LRPPRC: variants seen among roughly 807,000 people sequenced by gnomAD.
LRPPRC encodes the protein leucine rich pentatricopeptide repeat containing.
In LRPPRC, 120 loss-of-function variants were observed where a neutral mutation model predicts 180.3. The ratio of observed to expected loss-of-function variants is 0.67; its 90% CI spans 0.57 to 0.77. The LOEUF is 0.77. Among genes scored for constraint, LRPPRC ranks in the 30% least tolerant of loss-of-function variants. The probability of loss-of-function intolerance (pLI) is 0.00; values close to 1 mark genes in which losing one functional copy is unlikely to be tolerated. For missense variants in LRPPRC, 2,012 were observed against 1,657.2 expected (o/e 1.21, Z -3.72); for synonymous variants, 723 against 600.0 (o/e 1.21, Z -3.00).
chr2:43,932,116 C>A (rs1391434589), intron 25 of LRPPRC, among the ~76,000 whole-genome samples: 2 of 67,780 alleles, frequency 3.0e-5, no homozygotes, highest in African/African-American at 1.4e-4. Flanking sequence ...AAAGCAAGAC[C>A]CTGTCTCAAA....
intron 14 of LRPPRC, among the ~76,000 whole-genome samples, chr2:43,952,999 T>C (rs975609119): frequency 1.3e-5 from 2 of 152,258 alleles, no homozygotes; most frequent in African/African-American, 2.4e-5. Context: ...ATTTTGGCTT[T>C]ATTTCTTGTA....
intron 11 of LRPPRC, among the ~76,000 whole-genome samples, chr2:43,971,645 C>T (rs1391207061): frequency 1.3e-5 from 2 of 151,652 alleles, no homozygotes; most frequent in African/African-American, 4.8e-5. Flanking sequence ...CCTCATGAAA[C>T]ACAGCACATC....
chr2:43,966,177 C>T (rs1673548058), intron 11 of LRPPRC, among the ~76,000 whole-genome samples: 1 of 151,668 alleles, frequency 6.6e-6, no homozygotes, highest in Non-Finnish European at 1.5e-5. Flanking sequence ...ACTTGAAGCA[C>T]ATGCTAAGTG....
In LRPPRC at chr2:43,925,921, A is replaced by T; in HGVS notation, c.2777T>A (p.Phe926Tyr). The stretch of plus-strand genomic sequence containing the variant: ...ATTATTTGCAACACATCTGTCACAA[A>T]ACCACTGAAGCCTTGCAGATCGAGC... Reference protein sequence around the residue: ...IRARSARLQWFCDRCVANNQV... With the variant: ...IRARSARLQWYCDRCVANNQV... Residue 926 changes from phenylalanine to tyrosine, a missense_variant, in exon 26 of 38, where the codon TTT becomes TAT. Transcript: ENST00000260665. The T allele has an allele frequency of 6.2e-7, 1 of 1,613,102 alleles. No individual in the cohort carries two copies. The highest frequency in any genetic ancestry group is 8.5e-7 in the Non-Finnish European group (1 of 1,179,040).
chr2:43,891,068 C>T (rs1670473503), intron 36 of LRPPRC, among the ~76,000 whole-genome samples: 1 of 152,202 alleles, frequency 6.6e-6, no homozygotes, highest in Admixed American at 6.5e-5. Context: ...ATGAGGGTGA[C>T]TCATCAGCTC....
At chr2:43,956,228 A>C (rs980933810) in intron 14 of LRPPRC, among the ~76,000 whole-genome samples, 12 of 152,234 alleles carry the variant, frequency 7.9e-5, no homozygotes, top group African/African-American at 2.9e-4. Flanking sequence ...TGTAGCAATC[A>C]AATCCAATGC....
At chr2:43,950,287 G>A (rs958516565) in intron 15 of LRPPRC, among the ~76,000 whole-genome samples, 1 of 151,970 alleles carries the variant, frequency 6.6e-6, no homozygotes, top group Non-Finnish European at 1.5e-5. Context: ...CGGTAAACGT[G>A]TGCCATGGTG....
Position 43,963,551 on chromosome 2 carries a change from T to G in LRPPRC, c.1488+37A>C, listed in dbSNP as rs777820077. Reference sequence around the variant, plus strand: ...TAAACATTAAGGAGGAAAGATATCCTCTTCAATTATTAAATTAAAACCACA... The same window carrying G: ...TAAACATTAAGGAGGAAAGATATCCGCTTCAATTATTAAATTAAAACCACA... On this transcript the variant is annotated intron_variant, in intron 12 of 37. Coordinates refer to ENST00000260665, the MANE Select transcript of LRPPRC (RefSeq NM_133259.4). 5.8e-5 allele frequency: 69 copies of G among 1,199,132 alleles called. No individual in the cohort carries two copies. The Admixed American group carries it at 1.1e-3, about 19-fold the overall frequency. 74.3% of individuals were successfully genotyped at this position (1,199,132 alleles called of 1,614,324 possible).
intron 34 of LRPPRC, among the ~76,000 whole-genome samples, chr2:43,897,463 T>C (rs1396993271): frequency 2.0e-5 from 3 of 152,100 alleles, no homozygotes; most frequent in Non-Finnish European, 4.4e-5. Context: ...CTAAAACGAA[T>C]GGTATAAAAA....
At chr2:43,970,424 C>T (rs774333330) in intron 11 of LRPPRC, among the ~76,000 whole-genome samples, 2 of 152,022 alleles carry the variant, frequency 1.3e-5, no homozygotes, top group Non-Finnish European at 2.9e-5. Flanking sequence ...GAAGCACTTA[C>T]CAATAAGAAG....
intron 29 of LRPPRC, among the ~76,000 whole-genome samples, chr2:43,913,134 T>C (rs1671323366): frequency 6.6e-6 from 1 of 152,174 alleles, no homozygotes; most frequent in Non-Finnish European, 1.5e-5. Context: ...TTTTCAAATA[T>C]ACAGATATCT....
chr2:43,951,769 C>T (rs979621153), intron 14 of LRPPRC, among the ~76,000 whole-genome samples: 2 of 152,172 alleles, frequency 1.3e-5, no homozygotes, highest in African/African-American at 4.8e-5. Flanking sequence ...AAACACATAC[C>T]ATGTCCAGTC....
chr2:43,972,009 G>A lies in LRPPRC; in HGVS notation c.1369+1598C>T, dbSNP rs979922937. On this transcript the variant is annotated intron_variant, in intron 11 of 37. Transcript: ENST00000260665. ...TCACTCTCTTTTAGCAATGTTATTC[G>A]TGTAAAAACTGGCAACTAATTTTTA... 5.3e-5 allele frequency among the ~76,000 whole-genome samples: 8 copies of A among 151,936 alleles called. No homozygotes were observed. The East Asian group carries it at 7.7e-4, about 15-fold the overall frequency.
chr2:43,982,158 T>C (rs1674337416), intron 2 of LRPPRC, 80 bp downstream of exon 2: 1 of 971,654 alleles, frequency 1.0e-6, no homozygotes, highest in Non-Finnish European at 1.5e-6. Context: ...TCTACCTGCC[T>C]CCCAAAGTGC....
At chr2:43,944,873 TTAAAG>T (rs779291001) in intron 22 of LRPPRC, among the ~76,000 whole-genome samples, 13 of 152,168 alleles carry the variant, frequency 8.5e-5, no homozygotes, top group Admixed American at 5.2e-4. Context: ...AATAAAAACT[TTAAAG>T]TATATATTTT....
Position 43,894,579 on chromosome 2 carries a change from CT to C in LRPPRC, c.3950del (p.Lys1317ArgfsTer9). The C allele has an allele frequency of 6.4e-7, 1 of 1,569,522 alleles. No homozygotes were observed. Among genetic ancestry groups the C allele is most frequent in the Non-Finnish European group, 8.8e-7 (1 of 1,139,788 alleles). On this transcript the variant is annotated frameshift_variant, in exon 36 of 38. Transcript: ENST00000260665. LOFTEE classifies it high-confidence loss of function. ...TCATGAGGGAATTGTATGCTTCTTC[CT>C]TTTCATTTAATTCAGGAATCAATTC... ...VLELIPELNE[K>X]EEAYNSLMKS... is the part of the protein sequence containing the mutation.
intron 30 of LRPPRC, among the ~76,000 whole-genome samples, chr2:43,908,673 G>A (rs1024773534): frequency 6.6e-6 from 1 of 151,742 alleles, no homozygotes; most frequent in African/African-American, 2.4e-5. Flanking sequence ...ATACAGGCAC[G>A]CACCACCACG....
At chr2:43,925,752 C>T (rs1671854275) in intron 26 of LRPPRC, 141 bp downstream of exon 26, 4 of 719,486 alleles carry the variant, frequency 5.6e-6, no homozygotes, top group South Asian at 4.4e-5. Flanking sequence ...TAAGCCATTG[C>T]TTATCTGGCA....
chr2:43,985,483 C>A (rs9653492), intron 1 of LRPPRC, among the ~76,000 whole-genome samples: 83,568 of 151,888 alleles, frequency 0.55, 24,049 homozygotes, highest in African/African-American at 0.63. Flanking sequence ...TGCTCTATCT[C>A]CTCATTCCTT....
Sources: allele counts gnomAD v4.1 joint callset (sites outside exome capture counted in the v4.1 genomes callset), GRCh38; gene constraint gnomAD v4.1.1; transcripts MANE v1.5; gene names NCBI Gene and HGNC (gene_info 2026-07-23, HGNC 2026-07-21).